Variants in TGIF1 observed in about 807,000 individuals in gnomAD.
TGIF1 encodes the protein homeobox protein TGIF1.
A neutral mutation model predicts 19.3 loss-of-function variants in TGIF1; 4 were observed. The observed-to-expected ratio is 0.21, with a 90% CI of 0.10 to 0.47. The LOEUF is 0.47. TGIF1 is among the 20% of genes least tolerant of loss of function. The pLI, the probability that TGIF1 is intolerant of heterozygous loss-of-function variation, is 0.98. For missense variants in TGIF1, 275 were observed against 341.4 expected (o/e 0.81, Z 1.53); for synonymous variants, 122 against 129.3 (o/e 0.94, Z 0.38).
rs11571508 is a variant in TGIF1, at chr18:3,451,898, G to A, written c.16+1393G>A. On this transcript the variant is annotated intron_variant, in intron 1 of 2. Transcript: ENST00000343820. The surrounding 1 kb of genome is among the most constrained non-coding windows in gnomAD (Gnocchi z 5.4). ...CCCGTGAAAGCCGTGCCGACCCTTG[G>A]GAGGACTGACAGGTCTAGAGACACG... 92,971 of 1,492,426 alleles carry A rather than the reference G, an allele frequency of 0.062. 3,418 individuals carry two copies. Among genetic ancestry groups the A allele is most frequent in the East Asian group, 0.13 (5,635 of 42,586 alleles). 92.4% of individuals were successfully genotyped at this position (1,492,426 alleles called of 1,614,324 possible).
chr18:3,440,553 T>G (rs2082668371), intron 2 of TGIF1, among the ~76,000 whole-genome samples: 1 of 152,166 alleles, frequency 6.6e-6, no homozygotes, highest in South Asian at 2.1e-4. Flanking sequence ...CTAATGGCTC[T>G]TGGACTCCAG....
chr18:3,454,247 G>T (rs903505227), intron 1 of TGIF1, among the ~76,000 whole-genome samples: 1 of 152,104 alleles, frequency 6.6e-6, no homozygotes, highest in Non-Finnish European at 1.5e-5. Flanking sequence ...GAAAGATCAG[G>T]CTTCTTGTCA....
chr18:3,425,551 T>C (rs1035512297), intron 2 of TGIF1, among the ~76,000 whole-genome samples: 6 of 152,180 alleles, frequency 3.9e-5, no homozygotes, highest in Non-Finnish European at 8.8e-5. Context: ...TTCAGGCTTT[T>C]GCATTTCTAA....
intron 1 of TGIF1, among the ~76,000 whole-genome samples, chr18:3,454,288 C>T (rs1180181623): frequency 6.6e-6 from 1 of 152,080 alleles, no homozygotes; most frequent in Non-Finnish European, 1.5e-5. Flanking sequence ...GGGCAGCCTT[C>T]AGGGGCTTTT....
intron 1 of TGIF1, among the ~76,000 whole-genome samples, chr18:3,452,867 G>GTGA (rs2083024628): frequency 6.6e-6 from 1 of 152,148 alleles, no homozygotes; most frequent in African/African-American, 2.4e-5. Context: ...AGCTTGGTTT[G>GTGA]TGATAATAGT....
intron 2 of TGIF1, among the ~76,000 whole-genome samples, chr18:3,435,925 A>T (rs907949863): frequency 6.6e-6 from 1 of 152,040 alleles, no homozygotes; most frequent in Non-Finnish European, 1.5e-5. Context: ...CAGTGGCATG[A>T]TCATAGTTCA....
chr18:3,449,897 C>G, upstream of TGIF1: 1 of 985,906 alleles, frequency 1.0e-6, no homozygotes, highest in Non-Finnish European at 1.2e-6. Context: ...AAGGGAGAAA[C>G]CTGGGGCGCT....
intron 1 of TGIF1, chr18:3,452,182 T>C: frequency 6.2e-7 from 1 of 1,612,686 alleles, no homozygotes; most frequent in Non-Finnish European, 8.5e-7. Context: ...TGGTCCTCCC[T>C]GGCGACCCCC....
At chr18:3,453,507 A>G (rs1284463904) in intron 1 of TGIF1, among the ~76,000 whole-genome samples, 1 of 151,720 alleles carries the variant, frequency 6.6e-6, no homozygotes, top group Non-Finnish European at 1.5e-5. Context: ...ACCAACATGG[A>G]GAAACCCCGT....
intron 2 of TGIF1, among the ~76,000 whole-genome samples, chr18:3,420,718 A>G (rs547891835): frequency 6.6e-6 from 1 of 152,356 alleles, no homozygotes; most frequent in Non-Finnish European, 1.5e-5. Context: ...TTAATTTCAG[A>G]CAAATTATCT....
At chr18:3,437,286 C>T (rs1371202684) in intron 2 of TGIF1, among the ~76,000 whole-genome samples, 2 of 152,068 alleles carry the variant, frequency 1.3e-5, no homozygotes, top group African/African-American at 4.8e-5. Context: ...GCATTCTTAT[C>T]CTGCAGATAA....
intron 2 of TGIF1, among the ~76,000 whole-genome samples, chr18:3,436,006 G>A (rs890727445): frequency 6.6e-6 from 1 of 152,166 alleles, no homozygotes; most frequent in Admixed American, 6.5e-5. Context: ...GGGATTACAG[G>A]CGTGAGCCAG....
upstream of TGIF1, chr18:3,449,872 C>A (rs1040586757): frequency 4.1e-6 from 4 of 985,408 alleles, no homozygotes; most frequent in African/African-American, 7.0e-5. Flanking sequence ...TCGCCAGCCC[C>A]GGGAAGAAAG....
upstream of TGIF1, chr18:3,448,605 C>G: frequency 1.0e-6 from 1 of 985,446 alleles, no homozygotes; most frequent in South Asian, 4.7e-5. Flanking sequence ...AAGGTTGCTG[C>G]CTTCTTAGAG....
At chr18:3,449,538 T>TCGC, upstream of TGIF1, 1 of 961,948 alleles carries the variant, frequency 1.0e-6, no homozygotes, top group Non-Finnish European at 1.2e-6. Context: ...GTCTCATCAT[T>TCGC]CCCCCCCGCC....
intron 1 of TGIF1, chr18:3,452,208 T>A: frequency 6.3e-7 from 1 of 1,596,598 alleles, no homozygotes; most frequent in Non-Finnish European, 8.5e-7. Context: ...GCTCCTGGGG[T>A]CCTCCTGCGC....
At chr18:3,435,882 A>G (rs1208570389) in intron 2 of TGIF1, among the ~76,000 whole-genome samples, 1 of 152,110 alleles carries the variant, frequency 6.6e-6, no homozygotes, top group Non-Finnish European at 1.5e-5. Flanking sequence ...ATATTTAGGG[A>G]CAAGGTCTCA....
intron 2 of TGIF1, among the ~76,000 whole-genome samples, chr18:3,421,864 C>T (rs1244255452): frequency 1.3e-5 from 2 of 151,878 alleles, no homozygotes; most frequent in African/African-American, 4.8e-5. Context: ...GTTATTGCCC[C>T]AAAGACCTCT....
chr18:3,425,792 G>C (rs987186973), intron 2 of TGIF1, among the ~76,000 whole-genome samples: 5 of 152,086 alleles, frequency 3.3e-5, no homozygotes, highest in African/African-American at 9.7e-5. Context: ...TGCCAGCATC[G>C]TGTCAACTGA....
Sources: gnomAD v4.1 joint callset for allele counts (sites outside exome capture counted in the v4.1 genomes callset) on GRCh38, gnomAD v4.1.1 for gene constraint, Gnocchi (gnomAD v3.1) non-coding constraint, MANE v1.5 for transcripts, NCBI Gene and HGNC (gene_info 2026-07-23, HGNC 2026-07-21) for gene names.